Variants in UNC80 observed in about 807,000 individuals in gnomAD.
The protein encoded by UNC80 is protein unc-80 homolog.
A neutral mutation model predicts 384.6 loss-of-function variants in UNC80; 164 were observed. The observed-to-expected ratio is 0.43, with a 90% confidence interval of 0.38 to 0.49. The LOEUF is 0.49. Among genes scored for constraint, UNC80 ranks in the 20% least tolerant of loss-of-function variants. The pLI, the probability that UNC80 is intolerant of heterozygous loss-of-function variation, is 0.00. For synonymous variants in UNC80, 1,486 were observed against 1,527.8 expected (o/e 0.97, Z 0.64); for missense variants, 3,330 against 4,143.0 (o/e 0.80, Z 5.39).
rs1174664470 is a variant in UNC80 at position 209,840,574 on chromosome 2, C to T, written c.3283C>T (p.Leu1095=). The T allele has an allele frequency of 5.2e-6, 8 of 1,551,734 alleles. No individual in the cohort carries two copies. Among genetic ancestry groups the T allele is most frequent in the Non-Finnish European group, 7.0e-6 (8 of 1,147,010 alleles). Reference sequence around the variant, plus strand: ...GCTGAAGAGATCATCCCTCTCAGGCCTGGCAGATGGTGTGGAGGACCTCCT... The same window carrying T: ...GCTGAAGAGATCATCCCTCTCAGGCTTGGCAGATGGTGTGGAGGACCTCCT... ...NWLKRSSLSG[L]ADGVEDLLDI... Residue 1095 remains leucine, a synonymous_variant, in exon 20 of 65, where the codon CTG becomes TTG. Transcript: ENST00000673920.
intron 18 of UNC80, among the ~76,000 whole-genome samples, chr2:209,837,459 C>G (rs1412464202): frequency 3.3e-5 from 5 of 152,168 alleles, no homozygotes; most frequent in Non-Finnish European, 7.4e-5. Flanking sequence ...ATGTTGGAGA[C>G]ATTTTTGAGC....
At chr2:209,957,292 T>C (rs2092451481) in intron 48 of UNC80, among the ~76,000 whole-genome samples, 2 of 152,202 alleles carry the variant, frequency 1.3e-5, no homozygotes, top group African/African-American at 4.8e-5. Context: ...AATGGTGAAC[T>C]ACCCAGTAGA....
At chr2:209,812,801 T>C (rs1319793849) in intron 7 of UNC80, among the ~76,000 whole-genome samples, 1 of 152,176 alleles carries the variant, frequency 6.6e-6, no homozygotes, top group African/African-American at 2.4e-5. Flanking sequence ...CTAAGATACA[T>C]AGGATGGTGT....
At chr2:209,809,646 A>G (rs983540866) in intron 7 of UNC80, 15 of 607,676 alleles carry the variant, frequency 2.5e-5, no homozygotes, top group South Asian at 1.6e-4. Flanking sequence ...AGCCTCCCCA[A>G]GCTCCAGAAG....
Position 209,999,137 on chromosome 2 carries a change from G to A in UNC80, c.*3542G>A, listed in dbSNP as rs2093523380. ...TTGACTACACAGCCGACTTCCCTCA[G>A]ATAACTATGAAGTCTATTATGAGTA... On this transcript the variant is annotated 3_prime_UTR_variant, in exon 65 of 65. Transcript: ENST00000673920. The A allele has an allele frequency of 6.6e-6, 1 of 152,190 alleles. No homozygotes were observed. Among genetic ancestry groups the A allele is most frequent in the South Asian group, 2.1e-4 (1 of 4,828 alleles). The allele number at this position is 152,190 out of a possible 1,614,324, so 9.4% of individuals were successfully genotyped here.
chr2:209,931,071 C>A lies in UNC80; in HGVS notation c.5994+17C>A. The stretch of plus-strand genomic sequence containing the variant: ...AACTATTTGGTGAGTTATAAATGTT[C>A]ATTTCCAATTACGAAGCAGCACCAT... On this transcript the variant is annotated intron_variant, in intron 38 of 64. Coordinates refer to ENST00000673920, the MANE Select transcript of UNC80 (RefSeq NM_001371986.1). 1 of 1,513,636 alleles carries A rather than the reference C, an allele frequency of 6.6e-7. No individual in the cohort carries two copies. Among genetic ancestry groups the A allele is most frequent in the Middle Eastern group, 1.7e-4 (1 of 5,898 alleles). 93.8% of individuals were successfully genotyped at this position (1,513,636 alleles called of 1,614,324 possible).
At chr2:209,832,208 A>T (rs1436344350) in intron 16 of UNC80, among the ~76,000 whole-genome samples, 1 of 152,096 alleles carries the variant, frequency 6.6e-6, no homozygotes, top group Non-Finnish European at 1.5e-5. Context: ...AGTTCAGTGT[A>T]TACTGCTTGG....
chr2:209,967,424 A>C lies in UNC80; in HGVS notation c.7806-13A>C. 6.5e-7 allele frequency: 1 copy of C among 1,529,234 alleles called. No homozygotes were observed. Among genetic ancestry groups the C allele is most frequent in the Non-Finnish European group, 8.8e-7 (1 of 1,132,192 alleles). 94.7% of individuals were successfully genotyped at this position (1,529,234 alleles called of 1,614,324 possible). On this transcript the variant is annotated splice_polypyrimidine_tract_variant and intron_variant, in intron 51 of 64. Coordinates refer to ENST00000673920, the MANE Select transcript of UNC80 (RefSeq NM_001371986.1). ...TATACTTTAAAATATATATACATATATATATATTTTAGGTTGGCAGAAATT... is the reference window on the plus strand; with the variant it reads ...TATACTTTAAAATATATATACATATCTATATATTTTAGGTTGGCAGAAATT...
intron 7 of UNC80, among the ~76,000 whole-genome samples, chr2:209,799,051 T>C (rs1290135340): frequency 7.0e-6 from 1 of 142,764 alleles, no homozygotes; most frequent in Non-Finnish European, 1.5e-5. Context: ...TTTAATTTAT[T>C]TTAAATTCAT....
At chr2:209,956,962 T>C (rs1208208806) in intron 48 of UNC80, among the ~76,000 whole-genome samples, 1 of 152,188 alleles carries the variant, frequency 6.6e-6, no homozygotes, top group Non-Finnish European at 1.5e-5. Flanking sequence ...CAAACCTTGA[T>C]GATTTCATAA....
chr2:209,856,084 A>G (rs575245623), intron 22 of UNC80, among the ~76,000 whole-genome samples: 104 of 152,276 alleles, frequency 6.8e-4, no homozygotes, highest in Admixed American at 1.2e-3. Context: ...AATAAGTGCC[A>G]ACGATATAAT....
chr2:209,992,997 G>C (rs2093419735), intron 62 of UNC80, among the ~76,000 whole-genome samples: 1 of 152,168 alleles, frequency 6.6e-6, no homozygotes, highest in African/African-American at 2.4e-5. Flanking sequence ...CCAGCTATAA[G>C]TTTTAAATGA....
intron 47 of UNC80, 103 bp downstream of exon 47, chr2:209,946,046 T>G: frequency 2.3e-6 from 2 of 857,200 alleles, no homozygotes; most frequent in Non-Finnish European, 3.6e-6. Flanking sequence ...CAGACTAACA[T>G]TCTGACAAGT....
chr2:209,987,964 TA>T (rs1362261467), intron 61 of UNC80, among the ~76,000 whole-genome samples: 1 of 152,240 alleles, frequency 6.6e-6, no homozygotes, highest in Non-Finnish European at 1.5e-5. Flanking sequence ...TTGCCATTGC[TA>T]AATCAATTCT....
chr2:209,877,303 A>T (rs2084866704), intron 23 of UNC80, among the ~76,000 whole-genome samples: 1 of 152,226 alleles, frequency 6.6e-6, no homozygotes, highest in South Asian at 2.1e-4. Flanking sequence ...TAGTTCTAAG[A>T]ATACCGTGTA....
chr2:209,780,183 T>C (rs1226400329), intron 4 of UNC80, among the ~76,000 whole-genome samples: 1 of 152,220 alleles, frequency 6.6e-6, no homozygotes, highest in Non-Finnish European at 1.5e-5. Context: ...ACTACTCAAA[T>C]AATTCGAAAA....
At chr2:209,833,886 A>T in intron 16 of UNC80, 116 bp from the exon 17 acceptor site, 1 of 994,654 alleles carries the variant, frequency 1.0e-6, no homozygotes, top group Non-Finnish European at 1.5e-6. Context: ...GTCCTGTCTT[A>T]ATGATTCCAA....
chr2:209,806,025 T>C (rs1265089770), intron 7 of UNC80, among the ~76,000 whole-genome samples: 6 of 152,248 alleles, frequency 3.9e-5, no homozygotes, highest in Non-Finnish European at 5.9e-5. Context: ...TGTCCACTAA[T>C]TCTGTTTTAT....
chr2:209,815,903 C>T (rs2079701661), intron 9 of UNC80, among the ~76,000 whole-genome samples: 1 of 152,146 alleles, frequency 6.6e-6, no homozygotes, highest in African/African-American at 2.4e-5. Flanking sequence ...TACTCTGCCT[C>T]TCTTTTTTGT....
Sources: allele counts gnomAD v4.1 joint callset (sites outside exome capture counted in the v4.1 genomes callset), GRCh38; gene constraint gnomAD v4.1.1; transcripts MANE v1.5; gene names NCBI Gene and HGNC (gene_info 2026-07-23, HGNC 2026-07-21).